The following NIPBL variants were observed in gnomAD, a reference collection of about 807,000 sequenced individuals.
NIPBL encodes the protein nipped-B-like protein.
NIPBL carries 19 observed loss-of-function variants against 321.8 expected under a neutral mutation model. The observed-to-expected ratio is 0.06, with a 90% confidence interval of 0.04 to 0.09. The LOEUF (loss-of-function observed/expected upper bound fraction) is 0.09. Ranked by LOEUF, NIPBL falls within the 10% of genes least tolerant of loss-of-function variation. The pLI, the probability that NIPBL is intolerant of heterozygous loss-of-function variation, is 1.00. For synonymous variants in NIPBL, 1,106 were observed against 1,114.1 expected (o/e 0.99, Z 0.14); for missense variants, 2,210 against 3,327.0 (o/e 0.66, Z 8.26).
Position 36,996,653 on chromosome 5 carries a change from T to C in NIPBL, c.3304+849T>C, listed in dbSNP as rs1746167362. ...CCTAGCCAAGAGGGGTCAGCAACCT[T>C]GTTTGACTTAAACGGCATTCAGTGG... On this transcript the variant is annotated intron_variant, in intron 11 of 46. Coordinates refer to ENST00000282516, the MANE Select transcript of NIPBL (RefSeq NM_133433.4). This position sits in a 1 kb window ranked among gnomAD's most constrained non-coding sequence, Gnocchi z 5.0. 1 of 381,826 alleles carries C rather than the reference T, an allele frequency of 2.6e-6. No individual in the cohort carries two copies. The highest frequency in any genetic ancestry group is 3.2e-5 in the Admixed American group (1 of 31,392). The allele number at this position is 381,826 out of a possible 1,614,324, so 23.7% of individuals were successfully genotyped here. A position where few individuals can be genotyped will look rare whatever the true frequency, so the allele number is the denominator to read the frequency against.
intron 1 of NIPBL, among the ~76,000 whole-genome samples, chr5:36,903,423 C>T (rs1014782269): frequency 2.0e-5 from 3 of 152,090 alleles, no homozygotes; most frequent in African/African-American, 7.2e-5. Context: ...ATGGCTCTTA[C>T]TATTTTGCCC....
At chr5:36,986,697 C>T (rs1392965222) in intron 10 of NIPBL, among the ~76,000 whole-genome samples, 1 of 151,990 alleles carries the variant, frequency 6.6e-6, no homozygotes, top group Non-Finnish European at 1.5e-5. Context: ...GTGTCTGAGC[C>T]AATTATTGAT....
chr5:36,938,176 C>T (rs781271953), intron 1 of NIPBL, among the ~76,000 whole-genome samples: 39 of 152,126 alleles, frequency 2.6e-4, no homozygotes, highest in Non-Finnish European at 4.9e-4. Context: ...TACTTTTGTG[C>T]CTCTATTGTC....
At chr5:36,989,438 A>G (rs1020623962) in intron 10 of NIPBL, among the ~76,000 whole-genome samples, 8 of 152,270 alleles carry the variant, frequency 5.3e-5, no homozygotes, top group African/African-American at 1.9e-4. Context: ...AAGTTCTTCA[A>G]ATATCTTCTA....
chr5:36,998,969 C>T (rs891450535), intron 11 of NIPBL, among the ~76,000 whole-genome samples: 1 of 152,052 alleles, frequency 6.6e-6, no homozygotes, highest in African/African-American at 2.4e-5. Context: ...TTACATGAAC[C>T]TTTTTGCTAT....
chr5:36,901,288 A>G (rs1010504949), intron 1 of NIPBL, among the ~76,000 whole-genome samples: 1 of 152,010 alleles, frequency 6.6e-6, no homozygotes, highest in Non-Finnish European at 1.5e-5. Context: ...ATCCTTTTTT[A>G]TGGCTACATA....
intron 9 of NIPBL, among the ~76,000 whole-genome samples, chr5:36,977,047 TC>T (rs1743554336): frequency 6.6e-6 from 1 of 152,024 alleles, no homozygotes; most frequent in Admixed American, 6.6e-5. Context: ...TTATGAGCTT[TC>T]CTTGCGCTTC....
At chr5:36,930,571 T>C (rs1749703055) in intron 1 of NIPBL, among the ~76,000 whole-genome samples, 1 of 152,088 alleles carries the variant, frequency 6.6e-6, no homozygotes, top group South Asian at 2.1e-4. Context: ...TGTGTTACTT[T>C]TTGGTGTTTT....
chr5:36,905,700 A>G lies in NIPBL; in HGVS notation c.-80+28522A>G, dbSNP rs193195512. On this transcript the variant is annotated intron_variant, in intron 1 of 46. Transcript: ENST00000282516. The stretch of plus-strand genomic sequence containing the variant: ...GGCGCAATATTTCTGAAATTTATCT[A>G]AAAAATAAGAAAGTCAAAGAAAATT... Among the ~76,000 whole-genome samples, 514 of 152,176 alleles carry G rather than the reference A, an allele frequency of 3.4e-3. 2 individuals carry two copies. The highest frequency in any genetic ancestry group is 0.012 in the African/African-American group (494 of 41,516).
At chr5:36,993,973 A>G (rs1745841776) in intron 10 of NIPBL, among the ~76,000 whole-genome samples, 1 of 152,292 alleles carries the variant, frequency 6.6e-6, no homozygotes, top group African/African-American at 2.4e-5. Context: ...TGTATACTCT[A>G]AAACATGATT....
intron 9 of NIPBL, among the ~76,000 whole-genome samples, chr5:36,977,890 G>A (rs1392138549): frequency 6.6e-6 from 1 of 151,806 alleles, no homozygotes; most frequent in Admixed American, 6.6e-5. Context: ...ATTTCACTTA[G>A]GGTAGATAAT....
intron 45 of NIPBL, among the ~76,000 whole-genome samples, chr5:37,063,416 G>A (rs1484023260): frequency 6.6e-6 from 1 of 152,214 alleles, no homozygotes; most frequent in Non-Finnish European, 1.5e-5. Context: ...ATGTCTATCA[G>A]TAATTATCAC....
At chr5:37,037,096 A>G (rs1232360238) in intron 33 of NIPBL, among the ~76,000 whole-genome samples, 1 of 151,994 alleles carries the variant, frequency 6.6e-6, no homozygotes, top group Non-Finnish European at 1.5e-5. Flanking sequence ...CTTAAGAAAT[A>G]TAAAAATTGG....
At chr5:37,054,696 A>G (rs1753915369) in intron 42 of NIPBL, among the ~76,000 whole-genome samples, 1 of 152,220 alleles carries the variant, frequency 6.6e-6, no homozygotes, top group South Asian at 2.1e-4. Flanking sequence ...CCTCCAACAA[A>G]GAATGTCAGA....
At position 37,057,625 on chromosome 5, in the gene NIPBL, CATTT is replaced by C. The variant is rs375795412; in HGVS notation, c.7410+295_7410+298del. Among the ~76,000 whole-genome samples the C allele has an allele frequency of 6.9e-3, 1,051 of 152,308 alleles. 8 individuals carry two copies. The highest frequency in any genetic ancestry group is 0.013 in the Non-Finnish European group (863 of 68,026). On this transcript the variant is annotated intron_variant, in intron 43 of 46. Coordinates refer to ENST00000282516, the MANE Select transcript of NIPBL (RefSeq NM_133433.4). ...AAGTGTTTGCATCCATTCATACATT[CATTT>C]AAACTCCATTTTAAAACATTATTCT... is the stretch of plus-strand genomic sequence containing the variant.
intron 43 of NIPBL, among the ~76,000 whole-genome samples, chr5:37,058,575 T>C (rs766115189): frequency 3.2e-4 from 48 of 152,206 alleles, no homozygotes; most frequent in Non-Finnish European, 6.3e-4. Flanking sequence ...TCATAATGAC[T>C]TACCTATGCA....
chr5:36,961,287 GT>G (rs1741593571), intron 4 of NIPBL, among the ~76,000 whole-genome samples, 196 bp from the exon 5 acceptor site: 1 of 152,064 alleles, frequency 6.6e-6, no homozygotes, highest in Admixed American at 6.6e-5. Flanking sequence ...TCCTGGATTA[GT>G]TTTATGGAAA....
chr5:37,017,818 A>G lies in NIPBL; in HGVS notation c.4920+656A>G, dbSNP rs762636447. Among the ~76,000 whole-genome samples the G allele has an allele frequency of 1.9e-4, 29 of 152,116 alleles. 1 individual carries two copies. Among genetic ancestry groups the G allele is most frequent in the Non-Finnish European group, 3.8e-4 (26 of 67,990 alleles). The stretch of plus-strand genomic sequence containing the variant: ...TTTTGAAATAATCTCAACCTTAGAG[A>G]AAAATTGTAGGAATAGTACAAAGAA... On this transcript the variant is annotated intron_variant, in intron 24 of 46. Coordinates refer to ENST00000282516, the MANE Select transcript of NIPBL (RefSeq NM_133433.4).
chr5:37,043,706 A>G (rs1409938073), intron 34 of NIPBL, among the ~76,000 whole-genome samples: 1 of 152,212 alleles, frequency 6.6e-6, no homozygotes. Flanking sequence ...TCTTAGAAGT[A>G]AAGAAGCCTT....
Sources: gnomAD v4.1 joint callset for allele counts (sites outside exome capture counted in the v4.1 genomes callset) on GRCh38, gnomAD v4.1.1 for gene constraint, Gnocchi (gnomAD v3.1) non-coding constraint, MANE v1.5 for transcripts, NCBI Gene and HGNC (gene_info 2026-07-23, HGNC 2026-07-21) for gene names.